AHI1: variants seen among roughly 807,000 people sequenced by gnomAD.
AHI1 encodes the protein Abelson helper integration site 1.
AHI1 carries 123 observed loss-of-function variants against 149.3 expected under a neutral mutation model. The ratio of observed to expected loss-of-function variants is 0.82; its 90% CI spans 0.71 to 0.96. The LOEUF is 0.96. AHI1 is among the 40% of genes least tolerant of loss of function. AHI1 has a pLI of 0.00. For synonymous variants in AHI1, 475 were observed against 459.8 expected, an observed-to-expected ratio of 1.03 and a Z score of -0.42; for missense variants, 1,439 against 1,422.7, an observed-to-expected ratio of 1.01 and a Z score of -0.18.
intron 22 of AHI1, among the ~76,000 whole-genome samples, chr6:135,398,742 C>T (rs1779613872): frequency 2.0e-5 from 3 of 152,144 alleles, no homozygotes; most frequent in African/African-American, 7.2e-5. Flanking sequence ...TGGTCTTGAA[C>T]CCCTGAACTT....
chr6:135,415,478 G>T (rs1782238354), intron 20 of AHI1, among the ~76,000 whole-genome samples: 1 of 152,182 alleles, frequency 6.6e-6, no homozygotes, highest in Non-Finnish European at 1.5e-5. Flanking sequence ...AGCACCTGTT[G>T]TTTCCTGACT....
At chr6:135,408,197 C>T (rs961312504) in intron 21 of AHI1, among the ~76,000 whole-genome samples, 5 of 152,042 alleles carry the variant, frequency 3.3e-5, no homozygotes, top group African/African-American at 7.2e-5. Context: ...AGAATAAAGA[C>T]GGATAGACTG....
chr6:135,416,368 C>CT (rs142283578), intron 20 of AHI1, among the ~76,000 whole-genome samples: 8,599 of 145,332 alleles, frequency 0.059, 698 homozygotes, highest in African/African-American at 0.19. Flanking sequence ...TAGAAAGTGC[C>CT]TTTTTTTTTT....
In AHI1 at chr6:135,358,112, G is replaced by A. The variant is rs376479301; in HGVS notation, c.3165+20C>T. The A allele has an allele frequency of 1.2e-4, 199 of 1,606,334 alleles. No homozygotes were observed. The highest frequency in any genetic ancestry group is 1.6e-4 in the Middle Eastern group (1 of 6,064). ...GTACTTTCTTAACACTTTTAACAAC[G>A]TAGCAACAGACTGTCTTACCGTTGG... is the stretch of plus-strand genomic sequence containing the variant. On this transcript the variant is annotated intron_variant, in intron 24 of 28. Coordinates refer to ENST00000265602, the MANE Select transcript of AHI1 (RefSeq NM_001134831.2).
Position 135,429,730 on chromosome 6 carries a change from TA to T in AHI1, c.2492+151del, listed in dbSNP as rs879462290. Among the ~76,000 whole-genome samples, 188 of 144,036 alleles carry T rather than the reference TA, an allele frequency of 1.3e-3. 1 individual carries two copies. Among genetic ancestry groups the T allele is most frequent in the South Asian group, 7.8e-3 (36 of 4,630 alleles). 94.5% of individuals were successfully genotyped at this position (144,036 alleles called of 152,430 possible). A position where few individuals can be genotyped will look rare whatever the true frequency, so the allele number is the denominator to read the frequency against. On this transcript the variant is annotated intron_variant, in intron 18 of 28. Transcript: ENST00000265602. ...GACTCATTAGATACTAGAAGCAACA[TA>T]AAAAAAAAAAATCTCCAGATACTGC...
At chr6:135,327,342 T>C (rs1030620017) in intron 24 of AHI1, among the ~76,000 whole-genome samples, 1 of 152,222 alleles carries the variant, frequency 6.6e-6, no homozygotes, top group Admixed American at 6.5e-5. Context: ...TCTCCGGATG[T>C]AGAAATGTCT....
In AHI1 at chr6:135,463,139, T is replaced by C; in HGVS notation, c.917A>G (p.Lys306Arg). Residue 306 changes from lysine to arginine, a missense_variant, in exon 8 of 29, where the codon AAG becomes AGG. Lys to Arg is a conservative substitution (Grantham distance 26). Coordinates refer to ENST00000265602, the MANE Select transcript of AHI1 (RefSeq NM_001134831.2). ...DTKPKPKKTK[K>R]KTKAVADNNE... ...GTATAGCAAACCTGCTTTAGTCTTCTTTTTTGTTTTTTTTGGTTTAGGTTT... is the reference window on the plus strand; with the variant it reads ...GTATAGCAAACCTGCTTTAGTCTTCCTTTTTGTTTTTTTTGGTTTAGGTTT... 6.3e-7 allele frequency: 1 copy of C among 1,582,890 alleles called. No individual in the cohort carries two copies. Among genetic ancestry groups the C allele is most frequent in the Non-Finnish European group, 8.6e-7 (1 of 1,167,092 alleles).
intron 10 of AHI1, among the ~76,000 whole-genome samples, chr6:135,454,726 CTT>C (rs929153120): frequency 5.3e-5 from 8 of 152,152 alleles, no homozygotes; most frequent in Non-Finnish European, 1.2e-4. Context: ...TTCTTCATCT[CTT>C]AATACTAAAA....
chr6:135,411,761 C>T (rs1309522546), intron 20 of AHI1, among the ~76,000 whole-genome samples: 1 of 152,040 alleles, frequency 6.6e-6, no homozygotes, highest in Non-Finnish European at 1.5e-5. Context: ...TATAATTGAG[C>T]TGTGAAGGCC....
intron 6 of AHI1, 44 bp from the exon 7 acceptor site, chr6:135,466,417 A>G: frequency 2.0e-6 from 3 of 1,487,214 alleles, no homozygotes; most frequent in Non-Finnish European, 9.2e-7. Context: ...TTACACATAG[A>G]TTAGTTATAT....
At chr6:135,312,839 C>T (rs1236057854) in intron 26 of AHI1, among the ~76,000 whole-genome samples, 1 of 152,178 alleles carries the variant, frequency 6.6e-6, no homozygotes, top group Non-Finnish European at 1.5e-5. Flanking sequence ...CTTTCCATGT[C>T]ACTAGTTCTG....
At chr6:135,451,916 ATT>A (rs200271377) in intron 11 of AHI1, among the ~76,000 whole-genome samples, 66,649 of 151,560 alleles carry the variant, frequency 0.44, 17,675 homozygotes, top group East Asian at 0.59. Context: ...GCATTAACAG[ATT>A]TATAAAAGGG....
At chr6:135,303,551 G>A (rs1784156066) in intron 26 of AHI1, among the ~76,000 whole-genome samples, 1 of 150,738 alleles carries the variant, frequency 6.6e-6, no homozygotes, top group Non-Finnish European at 1.5e-5. Flanking sequence ...CCTCTCTTGG[G>A]GTCTTTTTTT....
intron 5 of AHI1, 78 bp from the exon 6 acceptor site, chr6:135,467,712 C>A: frequency 9.7e-7 from 1 of 1,028,412 alleles, no homozygotes. Flanking sequence ...TAATGTTCAA[C>A]TATGTGGAAT....
chr6:135,304,241 T>A (rs1784269223), intron 26 of AHI1, among the ~76,000 whole-genome samples: 1 of 152,064 alleles, frequency 6.6e-6, no homozygotes, highest in Non-Finnish European at 1.5e-5. Flanking sequence ...TTAGTAGAGA[T>A]GAGGTTTCAC....
In AHI1 at chr6:135,438,411, T is replaced by A; in HGVS notation, c.2000A>T (p.His667Leu). 1 of 1,575,352 alleles carries A rather than the reference T, an allele frequency of 6.3e-7. No homozygotes were observed. The highest frequency in any genetic ancestry group is 8.6e-7 in the Non-Finnish European group (1 of 1,158,290). ...IYDLSWSKDDHYILTSSSDGT... is the reference protein window; with the variant it reads ...IYDLSWSKDDLYILTSSSDGT... ...ATCAGATGATGAAGTAAGGATGTAGTGATCATCTTTTGACCAGGAAAGATC... is the reference window on the plus strand; with the variant it reads ...ATCAGATGATGAAGTAAGGATGTAGAGATCATCTTTTGACCAGGAAAGATC... Residue 667 changes from histidine to leucine, a missense_variant, in exon 15 of 29, where the codon CAC becomes CTC. By Grantham distance (99) the His-to-Leu change is moderately conservative (BLOSUM62 -3). Transcript: ENST00000265602.
chr6:135,347,251 G>A (rs1322864490), intron 24 of AHI1, among the ~76,000 whole-genome samples: 1 of 152,160 alleles, frequency 6.6e-6, no homozygotes, highest in East Asian at 1.9e-4. Context: ...CCCATTGAAA[G>A]TTACAGTTAT....
chr6:135,444,500 T>C (rs1283565562), intron 13 of AHI1, among the ~76,000 whole-genome samples: 1 of 152,210 alleles, frequency 6.6e-6, no homozygotes, highest in Non-Finnish European at 1.5e-5. Context: ...TGCCTTCATA[T>C]GAAATACCCG....
chr6:135,451,206 A>T (rs369542387), intron 11 of AHI1, among the ~76,000 whole-genome samples: 36 of 152,274 alleles, frequency 2.4e-4, no homozygotes, highest in African/African-American at 8.4e-4. Context: ...CATATTGGCC[A>T]GGTTGGTCTC....
Sources: gnomAD v4.1 joint callset for allele counts (sites outside exome capture counted in the v4.1 genomes callset) on GRCh38, gnomAD v4.1.1 for gene constraint, MANE v1.5 for transcripts, NCBI Gene and HGNC (gene_info 2026-07-23, HGNC 2026-07-21) for gene names.